MARCHF1: variants seen among roughly 807,000 people sequenced by gnomAD.
MARCHF1 encodes E3 ubiquitin-protein ligase MARCHF1.
In MARCHF1, 40 loss-of-function variants were observed where a neutral mutation model predicts 54.2. The ratio of observed to expected loss-of-function variants is 0.74; its 90% CI spans 0.57 to 0.96. The LOEUF is 0.96. Ranked by LOEUF, MARCHF1 falls within the 40% of genes least tolerant of loss-of-function variation. The probability of loss-of-function intolerance (pLI) is 0.00; values close to 1 mark genes in which losing one functional copy is unlikely to be tolerated. For missense variants in MARCHF1, 586 were observed against 656.5 expected, an observed-to-expected ratio of 0.89 and a Z score of 1.17; for synonymous variants, 236 against 236.3, an observed-to-expected ratio of 1.00 and a Z score of 0.01.
chr4:163,730,973 C>T (rs113281931), intron 4 of MARCHF1, among the ~76,000 whole-genome samples: 104 of 152,206 alleles, frequency 6.8e-4, no homozygotes, highest in African/African-American at 2.3e-3. Flanking sequence ...TTACACTACC[C>T]CAGGGATTAG....
chr4:164,299,448 C>T (rs1381844680), intron 1 of MARCHF1, among the ~76,000 whole-genome samples: 1 of 152,016 alleles, frequency 6.6e-6, no homozygotes, highest in African/African-American at 2.4e-5. Flanking sequence ...TGAGAGATTG[C>T]CTTTATTCTT....
chr4:164,198,521 A>C (rs1731347430), intron 1 of MARCHF1, among the ~76,000 whole-genome samples: 1 of 152,258 alleles, frequency 6.6e-6, no homozygotes, highest in Non-Finnish European at 1.5e-5. Context: ...TACTAGTCCT[A>C]TGTCCCACAT....
intron 4 of MARCHF1, among the ~76,000 whole-genome samples, chr4:163,762,691 A>G (rs1746862240): frequency 6.6e-6 from 1 of 152,142 alleles, no homozygotes; most frequent in African/African-American, 2.4e-5. Context: ...ATTAGTAATC[A>G]AAAATTTACA....
At chr4:164,071,172 TA>T (rs746334940) in intron 2 of MARCHF1, among the ~76,000 whole-genome samples, 39 of 152,340 alleles carry the variant, frequency 2.6e-4, no homozygotes, top group Non-Finnish European at 4.3e-4. Flanking sequence ...TTTTCAAATG[TA>T]AAAACTAGTA....
At chr4:163,815,331 G>T (rs766520638) in intron 4 of MARCHF1, among the ~76,000 whole-genome samples, 1 of 152,110 alleles carries the variant, frequency 6.6e-6, no homozygotes, top group Non-Finnish European at 1.5e-5. Flanking sequence ...AGCAGATCAA[G>T]AAAATTGCCA....
intron 1 of MARCHF1, among the ~76,000 whole-genome samples, chr4:164,114,330 T>G (rs1227870160): frequency 6.6e-6 from 1 of 151,920 alleles, no homozygotes; most frequent in Admixed American, 6.6e-5. Context: ...ATTCACATTA[T>G]TTTCTTATTG....
At chr4:163,686,071 A>G (rs931655269) in intron 5 of MARCHF1, among the ~76,000 whole-genome samples, 1 of 152,156 alleles carries the variant, frequency 6.6e-6, no homozygotes, top group African/African-American at 2.4e-5. Flanking sequence ...TGTGTATAGT[A>G]CCTACTGGAA....
At chr4:163,765,853 G>T (rs1395593073) in intron 4 of MARCHF1, among the ~76,000 whole-genome samples, 1 of 145,904 alleles carries the variant, frequency 6.9e-6, no homozygotes, top group East Asian at 2.0e-4. Flanking sequence ...GATACATATA[G>T]ATATATATAC....
chr4:164,161,732 G>C (rs1175311125), intron 1 of MARCHF1, among the ~76,000 whole-genome samples: 1 of 152,130 alleles, frequency 6.6e-6, no homozygotes, highest in Non-Finnish European at 1.5e-5. Flanking sequence ...TCTTCCAGAA[G>C]AAATCCATCT....
intron 1 of MARCHF1, among the ~76,000 whole-genome samples, chr4:164,342,314 T>C (rs1729952836): frequency 6.6e-6 from 1 of 152,044 alleles, no homozygotes; most frequent in Admixed American, 6.6e-5. Context: ...ATAACAAGCA[T>C]GGGTTAGGGT....
intron 3 of MARCHF1, among the ~76,000 whole-genome samples, chr4:163,958,511 A>G (rs1206630340): frequency 2.6e-5 from 4 of 152,044 alleles, no homozygotes; most frequent in Non-Finnish European, 4.4e-5. Flanking sequence ...ATATTGTCAT[A>G]CATTGTTTCC....
rs529746842 is a variant in MARCHF1 at position 163,527,453 on chromosome 4, T to G, written c.*1295A>C. On this transcript the variant is annotated 3_prime_UTR_variant, in exon 10 of 10. Transcript: ENST00000514618. ...GATTTAATAACAAAAATAGGTAATT[T>G]TATTCCCCTATTGTAAGTACTTCAT... The G allele has an allele frequency of 6.6e-6, 1 of 152,114 alleles. No individual in the cohort carries two copies. Among genetic ancestry groups the G allele is most frequent in the African/African-American group, 2.4e-5 (1 of 41,456 alleles). The allele number at this position is 152,114 out of a possible 1,614,324, so 9.4% of individuals were successfully genotyped here. A position where few individuals can be genotyped will look rare whatever the true frequency, so the allele number is the denominator to read the frequency against.
At chr4:164,371,439 T>C (rs1578908235) in intron 1 of MARCHF1, among the ~76,000 whole-genome samples, 1 of 152,102 alleles carries the variant, frequency 6.6e-6, no homozygotes, top group African/African-American at 2.4e-5. Flanking sequence ...CAAAAAGACA[T>C]AGTAACACAA....
chr4:163,668,372 G>A (rs1743614216), intron 5 of MARCHF1, among the ~76,000 whole-genome samples: 1 of 152,140 alleles, frequency 6.6e-6, no homozygotes, highest in Non-Finnish European at 1.5e-5. Context: ...GGTCTTATAG[G>A]TGAAGTAGAT....
chr4:164,042,149 A>G (rs1009140873), intron 2 of MARCHF1, among the ~76,000 whole-genome samples: 4 of 152,274 alleles, frequency 2.6e-5, no homozygotes, highest in Admixed American at 6.5e-5. Context: ...TGTCCTCAGA[A>G]GCTGTTCATC....
chr4:164,254,093 C>T (rs920239818), intron 1 of MARCHF1, among the ~76,000 whole-genome samples: 1 of 152,024 alleles, frequency 6.6e-6, no homozygotes, highest in Non-Finnish European at 1.5e-5. Flanking sequence ...GTTGATCATA[C>T]AAGTCTATAT....
chr4:164,326,400 A>C (rs1735282628), intron 1 of MARCHF1, among the ~76,000 whole-genome samples: 1 of 152,230 alleles, frequency 6.6e-6, no homozygotes, highest in Non-Finnish European at 1.5e-5. Context: ...GTTATATCAA[A>C]GATATTCTTC....
chr4:163,665,251 T>C (rs764493475), intron 5 of MARCHF1, among the ~76,000 whole-genome samples: 15 of 152,116 alleles, frequency 9.9e-5, no homozygotes, highest in Non-Finnish European at 2.2e-4. Flanking sequence ...AAAATAATGA[T>C]ACAAATGCAA....
intron 4 of MARCHF1, among the ~76,000 whole-genome samples, chr4:163,702,551 T>A (rs759582942): frequency 1.3e-5 from 2 of 152,118 alleles, no homozygotes; most frequent in Non-Finnish European, 2.9e-5. Flanking sequence ...AATAAGAAAT[T>A]TAATTTTGCA....
Sources: allele counts gnomAD v4.1 joint callset (sites outside exome capture counted in the v4.1 genomes callset), GRCh38; gene constraint gnomAD v4.1.1; transcripts MANE v1.5; gene names NCBI Gene and HGNC (gene_info 2026-07-23, HGNC 2026-07-21).